Variants in VPS13B observed in about 807,000 individuals in gnomAD.
The protein encoded by VPS13B is vacuolar protein sorting 13 homolog B, also known as intermembrane lipid transfer protein VPS13B.
Under a neutral mutation model 426.4 loss-of-function variants are expected in VPS13B, and 285 were observed. The ratio of observed to expected loss-of-function variants is 0.67; its 90% CI spans 0.61 to 0.74. The LOEUF (loss-of-function observed/expected upper bound fraction) is 0.74. VPS13B is among the 30% of genes least tolerant of loss of function. The probability of loss-of-function intolerance (pLI) is 0.00; values close to 1 mark genes in which losing one functional copy is unlikely to be tolerated. For missense variants in VPS13B, 4,537 were observed against 4,782.6 expected, an observed-to-expected ratio of 0.95 and a Z score of 1.51; for synonymous variants, 1,676 against 1,676.4, an observed-to-expected ratio of 1.00 and a Z score of 0.01.
At chr8:99,606,600 G>T in intron 33 of VPS13B, among the ~76,000 whole-genome samples, 1 of 148,310 alleles carries the variant, frequency 6.7e-6, no homozygotes, top group African/African-American at 2.5e-5. Flanking sequence ...CCATTTCCTT[G>T]CCTTTTGTTT....
chr8:99,623,994 C>CATACATACATATAT (rs1554877591), intron 33 of VPS13B, among the ~76,000 whole-genome samples: 3 of 53,946 alleles, frequency 5.6e-5, no homozygotes, highest in East Asian at 1.8e-3. Flanking sequence ...ATGAAACATA[C>CATACATACATATAT]ATATATATAT....
intron 21 of VPS13B, among the ~76,000 whole-genome samples, chr8:99,399,538 AT>A (rs964003868): frequency 4.6e-5 from 7 of 152,180 alleles, no homozygotes; most frequent in African/African-American, 1.7e-4. Context: ...GTAATAGTTT[AT>A]GAAGATGATA....
intron 43 of VPS13B, among the ~76,000 whole-genome samples, chr8:99,796,368 T>C (rs1474798821): frequency 6.6e-6 from 1 of 151,898 alleles, no homozygotes; most frequent in Non-Finnish European, 1.5e-5. Context: ...TTTGTCTTAA[T>C]TATGTGTTAG....
intron 19 of VPS13B, among the ~76,000 whole-genome samples, chr8:99,343,453 C>T (rs3134178): frequency 0.73 from 111,252 of 152,038 alleles, 41,294 homozygotes; most frequent in Middle Eastern, 0.83. Flanking sequence ...TATATTACCC[C>T]TTATCAGATA....
At chr8:99,553,797 T>C (rs1824404033) in intron 30 of VPS13B, among the ~76,000 whole-genome samples, 2 of 152,034 alleles carry the variant, frequency 1.3e-5, no homozygotes, top group Admixed American at 6.6e-5. Flanking sequence ...TCAAATCAAG[T>C]ATGTCACATA....
At chr8:99,507,032 G>A (rs1821536508) in intron 27 of VPS13B, 105 bp from the exon 28 acceptor site, 1 of 1,187,642 alleles carries the variant, frequency 8.4e-7, no homozygotes, top group Non-Finnish European at 1.3e-6. Context: ...TTTTAGTTCA[G>A]TGCAGTGTTG....
chr8:99,348,566 A>G (rs1811673872), intron 19 of VPS13B, among the ~76,000 whole-genome samples: 1 of 152,200 alleles, frequency 6.6e-6, no homozygotes, highest in African/African-American at 2.4e-5. Context: ...ATTTAAAACA[A>G]CTATCTATTC....
At chr8:99,201,041 C>T (rs867979161) in intron 17 of VPS13B, among the ~76,000 whole-genome samples, 1 of 151,462 alleles carries the variant, frequency 6.6e-6, no homozygotes, top group Non-Finnish European at 1.5e-5. Context: ...TGGTCTTATT[C>T]TTTAGCTTCA....
intron 3 of VPS13B, among the ~76,000 whole-genome samples, chr8:99,073,749 T>G (rs796184532): frequency 3.3e-5 from 5 of 149,848 alleles, no homozygotes; most frequent in African/African-American, 1.2e-4. Flanking sequence ...TTCTTTTCTT[T>G]CTTTTATTTT....
At chr8:99,023,629 C>T (rs187964092) in intron 2 of VPS13B, among the ~76,000 whole-genome samples, 63 of 151,988 alleles carry the variant, frequency 4.1e-4, no homozygotes, top group African/African-American at 1.4e-3. Flanking sequence ...TACAGGTGCA[C>T]GCCACCACAC....
chr8:99,549,727 C>T (rs1824176265), intron 30 of VPS13B, among the ~76,000 whole-genome samples: 1 of 152,092 alleles, frequency 6.6e-6, no homozygotes. Flanking sequence ...CTGGAAACCT[C>T]CATGCCTTAT....
chr8:99,069,095 C>T (rs1052688445), intron 3 of VPS13B, among the ~76,000 whole-genome samples: 7 of 151,974 alleles, frequency 4.6e-5, no homozygotes, highest in Non-Finnish European at 8.8e-5. Flanking sequence ...TTGGTAATTG[C>T]TAAAATTTGA....
chr8:99,830,017 T>A (rs999498276), intron 51 of VPS13B, among the ~76,000 whole-genome samples: 2 of 152,206 alleles, frequency 1.3e-5, no homozygotes, highest in African/African-American at 4.8e-5. Flanking sequence ...GGAGCTCTCC[T>A]GTATGAGGTG....
At chr8:99,638,744 C>G (rs16897526) in intron 33 of VPS13B, among the ~76,000 whole-genome samples, 20,739 of 152,116 alleles carry the variant, frequency 0.14, 1,967 homozygotes, top group East Asian at 0.39. Context: ...AGGAAAGACA[C>G]TATGAATGAC....
At chr8:99,693,074 G>C (rs1430771873) in intron 35 of VPS13B, among the ~76,000 whole-genome samples, 2 of 138,754 alleles carry the variant, frequency 1.4e-5, no homozygotes, top group Non-Finnish European at 3.1e-5. Context: ...ACCAAAAAGA[G>C]TCCAGGACCA....
chr8:99,569,322 A>G (rs116797191), intron 31 of VPS13B, among the ~76,000 whole-genome samples: 75 of 152,122 alleles, frequency 4.9e-4, no homozygotes, highest in African/African-American at 1.6e-3. Context: ...CTAACTACTT[A>G]GGAGGCTGAG....
rs1845019096 is a variant in VPS13B at position 99,074,542 on chromosome 8, AT to A, written c.292-21768del. On this transcript the variant is annotated intron_variant, in intron 3 of 61. Coordinates refer to ENST00000357162, the MANE Select transcript of VPS13B (RefSeq NM_152564.5). ...AAAAAATTCTACCTGATTATAGTATATTATGATGCTTATTTGTTGTTGGGTT... is the reference window on the plus strand; with the variant it reads ...AAAAAATTCTACCTGATTATAGTATATATGATGCTTATTTGTTGTTGGGTT... Among the ~76,000 whole-genome samples the A allele has an allele frequency of 2.6e-5, 4 of 151,638 alleles. No individual in the cohort carries two copies. In the South Asian group the frequency reaches 6.2e-4, roughly 24 times the overall value.
chr8:99,126,892 C>G (rs1323650465), intron 8 of VPS13B, among the ~76,000 whole-genome samples: 1 of 152,012 alleles, frequency 6.6e-6, no homozygotes, highest in Non-Finnish European at 1.5e-5. Context: ...CCAGGAATTC[C>G]AGACCAGCCA....
intron 3 of VPS13B, among the ~76,000 whole-genome samples, chr8:99,082,120 C>T (rs535477038): frequency 6.6e-6 from 1 of 152,268 alleles, no homozygotes; most frequent in East Asian, 1.9e-4. Flanking sequence ...CTCTCCAGCA[C>T]CTGTTGTTTC....
Sources: allele counts gnomAD v4.1 joint callset (sites outside exome capture counted in the v4.1 genomes callset), GRCh38; gene constraint gnomAD v4.1.1; transcripts MANE v1.5; gene names NCBI Gene and HGNC (gene_info 2026-07-23, HGNC 2026-07-21).